Variants in HORMAD2 observed in about 807,000 individuals in gnomAD.
HORMAD2 encodes HORMA domain-containing protein 2.
In HORMAD2, 45 loss-of-function variants were observed where a neutral mutation model predicts 38.8. That is an observed-to-expected ratio of 1.16 (90% CI 0.91 to 1.49). The LOEUF (loss-of-function observed/expected upper bound fraction) is 1.49, where lower values mean the gene tolerates loss of function less well. HORMAD2 is among the 40% of genes most tolerant of loss of function. HORMAD2 has a pLI of 0.00. For missense variants in HORMAD2, 338 were observed against 367.0 expected, an observed-to-expected ratio of 0.92 and a Z score of 0.65; for synonymous variants, 126 against 122.8, an observed-to-expected ratio of 1.03 and a Z score of -0.17.
intron 10 of HORMAD2, among the ~76,000 whole-genome samples, chr22:30,156,720 G>T (rs1472191244): frequency 1.3e-5 from 2 of 152,198 alleles, no homozygotes; most frequent in East Asian, 3.8e-4. Context: ...ACATTGAATT[G>T]ATTGTCCCTT....
chr22:30,194,159 T>A, the HORMAD2 span, among the ~76,000 whole-genome samples: 8 of 152,160 alleles, frequency 5.3e-5, no homozygotes, highest in Non-Finnish European at 1.2e-4. Context: ...ACCTAACTAT[T>A]ACAGAAACAA....
chr22:30,094,317 C>T (rs914564031), intron 2 of HORMAD2, among the ~76,000 whole-genome samples: 4 of 152,098 alleles, frequency 2.6e-5, no homozygotes, highest in Non-Finnish European at 4.4e-5. Context: ...CATTCACTTC[C>T]TAAAGTGTTA....
the HORMAD2 span, among the ~76,000 whole-genome samples, chr22:30,188,074 TA>T: frequency 3.1e-4 from 47 of 151,780 alleles, no homozygotes; most frequent in African/African-American, 1.0e-3. Context: ...ATATCTTTTT[TA>T]AAAAAAACAT....
rs1282670810 is a variant in HORMAD2 at position 30,112,487 on chromosome 22, C to G, written c.316-9C>G. On this transcript the variant is annotated splice_polypyrimidine_tract_variant and intron_variant, in intron 6 of 10. Coordinates refer to ENST00000336726, the MANE Select transcript of HORMAD2 (RefSeq NM_152510.4). Reference sequence around the variant, plus strand: ...AGAAATTAAATGATGTTTATTTTCCCTTATACAGCTTTACACAGATCCCAT... The same window carrying G: ...AGAAATTAAATGATGTTTATTTTCCGTTATACAGCTTTACACAGATCCCAT... 1 of 1,392,146 alleles carries G rather than the reference C, an allele frequency of 7.2e-7. No homozygotes were observed. Among genetic ancestry groups the G allele is most frequent in the Admixed American group, 2.7e-5 (1 of 37,200 alleles). 86.2% of individuals were successfully genotyped at this position (1,392,146 alleles called of 1,614,324 possible).
chr22:30,189,828 C>T, the HORMAD2 span, among the ~76,000 whole-genome samples: 1 of 152,128 alleles, frequency 6.6e-6, no homozygotes, highest in Non-Finnish European at 1.5e-5. Flanking sequence ...CACCCTGCTG[C>T]CTGCTGTTCC....
At chr22:30,129,547 C>T (rs1923133462) in intron 10 of HORMAD2, among the ~76,000 whole-genome samples, 1 of 152,026 alleles carries the variant, frequency 6.6e-6, no homozygotes, top group Non-Finnish European at 1.5e-5. Context: ...AGAAATTAGC[C>T]CAAGACTCCA....
At position 30,122,205 on chromosome 22, in the gene HORMAD2, C is replaced by G; in HGVS notation, c.810C>G (p.Cys270Trp). ...TAGACTGTGATGAGGAAGAAGAATG[C>G]AATGACCATGTAAGGCAAAGCTTTA... ...QGLDCDEEEE[C>W]NDHIQRMNFV... Residue 270 changes from cysteine to tryptophan, a missense_variant, in exon 10 of 11, where the codon TGC (cysteine) becomes TGG (tryptophan). Physicochemically the swap from Cys to Trp is radical, Grantham distance 215. Transcript: ENST00000336726. The G allele has an allele frequency of 6.2e-7, 1 of 1,610,232 alleles. No individual in the cohort carries two copies. Among genetic ancestry groups the G allele is most frequent in the African/African-American group, 1.3e-5 (1 of 74,896 alleles).
intron 10 of HORMAD2, among the ~76,000 whole-genome samples, chr22:30,133,759 G>A (rs917087764): frequency 2.0e-5 from 3 of 151,970 alleles, no homozygotes; most frequent in African/African-American, 7.3e-5. Flanking sequence ...GTCGTATTGG[G>A]TATTATAAAT....
intron 5 of HORMAD2, among the ~76,000 whole-genome samples, chr22:30,107,872 ATT>A (rs560871522): frequency 4.9e-5 from 7 of 144,138 alleles, no homozygotes; most frequent in African/African-American, 1.0e-4. Context: ...ATTTTGTGTG[ATT>A]TTTTTTTTTT....
rs375602809 is a variant in HORMAD2 at position 30,154,111 on chromosome 22, C to T, written c.820-21952C>T. ...TTCTTTCAATTTCCCCTTACTTCCT[C>T]GTCTCTATTTTCTCTGGCCTTCTTT... On this transcript the variant is annotated intron_variant, in intron 10 of 10. Coordinates refer to ENST00000336726, the MANE Select transcript of HORMAD2 (RefSeq NM_152510.4). Among the ~76,000 whole-genome samples, 49 of 152,114 alleles carry T rather than the reference C, an allele frequency of 3.2e-4. No individual in the cohort carries two copies. The East Asian group carries it at 4.5e-3, about 14-fold the overall frequency.
intron 3 of HORMAD2, among the ~76,000 whole-genome samples, chr22:30,099,753 G>A (rs1241357316): frequency 1.3e-5 from 2 of 152,170 alleles, no homozygotes; most frequent in Admixed American, 6.6e-5. Flanking sequence ...TGGGCATTAT[G>A]CTGGGCACCT....
intron 5 of HORMAD2, among the ~76,000 whole-genome samples, chr22:30,111,343 G>A (rs535573371): frequency 1.2e-3 from 182 of 151,874 alleles, no homozygotes; most frequent in African/African-American, 4.2e-3. Flanking sequence ...AAAATTAGCC[G>A]GGCATTGAGG....
At chr22:30,175,079 T>C (rs1310144676) in intron 10 of HORMAD2, among the ~76,000 whole-genome samples, 1 of 151,348 alleles carries the variant, frequency 6.6e-6, no homozygotes, top group Non-Finnish European at 1.5e-5. Context: ...CACTTAAATG[T>C]TTTATTTGCA....
chr22:30,138,581 C>T (rs1923833163), intron 10 of HORMAD2, among the ~76,000 whole-genome samples: 1 of 152,078 alleles, frequency 6.6e-6, no homozygotes, highest in African/African-American at 2.4e-5. Context: ...ATATTGTCTT[C>T]CATTCCATTT....
At chr22:30,090,160 C>T (rs2068657039) in intron 1 of HORMAD2, among the ~76,000 whole-genome samples, 1 of 152,038 alleles carries the variant, frequency 6.6e-6, no homozygotes, top group Non-Finnish European at 1.5e-5. Flanking sequence ...CCTAGGAATT[C>T]AAGACCAGCC....
At chr22:30,105,497 T>A (rs9614144) in intron 5 of HORMAD2, 23,583 of 152,436 alleles carry the variant, frequency 0.15, 1,915 homozygotes, top group South Asian at 0.26. Flanking sequence ...TATGTCTTCT[T>A]TTTACTCCTC....
chr22:30,113,776 AT>A lies in HORMAD2; in HGVS notation c.342+1259del, dbSNP rs1921837626. On this transcript the variant is annotated intron_variant, in intron 7 of 10. Coordinates refer to ENST00000336726, the MANE Select transcript of HORMAD2 (RefSeq NM_152510.4). ...GGTGCTATTCTAGACTAAATTATGC[AT>A]TTTTGGCTCTTAATATTCTTTCTTT... Among the ~76,000 whole-genome samples the A allele has an allele frequency of 4.6e-5, 7 of 152,224 alleles. No individual in the cohort carries two copies. The South Asian group carries it at 1.2e-3, about 27-fold the overall frequency.
At chr22:30,149,360 A>G (rs1924609996) in intron 10 of HORMAD2, among the ~76,000 whole-genome samples, 1 of 152,250 alleles carries the variant, frequency 6.6e-6, no homozygotes, top group African/African-American at 2.4e-5. Flanking sequence ...TTGACTAAAT[A>G]AAACAATAAG....
intron 7 of HORMAD2, among the ~76,000 whole-genome samples, chr22:30,117,317 T>A (rs184832788): frequency 1.3e-5 from 2 of 152,342 alleles, no homozygotes; most frequent in Admixed American, 1.3e-4. Context: ...TTTTGTGTTC[T>A]GTTTTGAGCT....
Sources: allele counts gnomAD v4.1 joint callset (sites outside exome capture counted in the v4.1 genomes callset), GRCh38; gene constraint gnomAD v4.1.1; transcripts MANE v1.5; gene names NCBI Gene and HGNC (gene_info 2026-07-23, HGNC 2026-07-21).